The following AK9 variants were observed in gnomAD, a reference collection of about 807,000 sequenced individuals.
The protein encoded by AK9 is adenylate kinase domain containing 1.
Under a neutral mutation model 239.6 loss-of-function variants are expected in AK9, and 191 were observed. The ratio of observed to expected loss-of-function variants is 0.80; its 90% confidence interval spans 0.71 to 0.90. The LOEUF is 0.90. AK9 is among the 40% of genes least tolerant of loss of function. AK9 has a pLI of 0.00. For synonymous variants in AK9, 689 were observed against 721.0 expected (o/e 0.96, Z 0.71); for missense variants, 1,995 against 2,214.7 (o/e 0.90, Z 1.99).
chr6:109,602,484 T>G (rs1171696585), intron 17 of AK9, among the ~76,000 whole-genome samples: 3 of 152,194 alleles, frequency 2.0e-5, no homozygotes, highest in Non-Finnish European at 4.4e-5. Flanking sequence ...TAACCCGACC[T>G]TTCTCTCTGG....
chr6:109,519,882 T>C (rs1344458923), intron 29 of AK9, among the ~76,000 whole-genome samples: 1 of 152,192 alleles, frequency 6.6e-6, no homozygotes, highest in Non-Finnish European at 1.5e-5. Flanking sequence ...GTTCAGATGT[T>C]GGCTGCATGT....
chr6:109,633,408 T>C, intron 10 of AK9, 85 bp from the exon 11 acceptor site: 1 of 1,371,160 alleles, frequency 7.3e-7, no homozygotes, highest in Non-Finnish European at 9.8e-7. Context: ...TATCATTTTA[T>C]AGTGCTTTAC....
In AK9 at chr6:109,675,610, A is replaced by C; in HGVS notation, c.117+19T>G. The C allele has an allele frequency of 7.4e-7, 1 of 1,352,180 alleles. No homozygotes were observed. The highest frequency in any genetic ancestry group is 2.6e-5 in the East Asian group (1 of 37,898). The allele number at this position is 1,352,180 out of a possible 1,614,324, so 83.8% of individuals were successfully genotyped here. A position where few individuals can be genotyped will look rare whatever the true frequency, so the allele number is the denominator to read the frequency against. On this transcript the variant is annotated intron_variant, in intron 2 of 40. Transcript: ENST00000424296. ...TTAAAAATAAAAAAAATTATACCAAATAATAAGAGATAACTTACTGGTTTC... is the reference window on the plus strand; with the variant it reads ...TTAAAAATAAAAAAAATTATACCAACTAATAAGAGATAACTTACTGGTTTC...
chr6:109,663,179 G>A (rs1800669125), intron 5 of AK9, among the ~76,000 whole-genome samples: 2 of 152,044 alleles, frequency 1.3e-5, no homozygotes, highest in African/African-American at 2.4e-5. Context: ...GTTTAGTGCA[G>A]TTATTGGCTT....
chr6:109,644,724 A>C, intron 8 of AK9, 36 bp from the exon 9 acceptor site: 1 of 1,542,646 alleles, frequency 6.5e-7, no homozygotes, highest in Non-Finnish European at 8.9e-7. Flanking sequence ...ATAATACAGG[A>C]TCACTAGAAA....
chr6:109,589,769 A>T (rs1180201092), intron 17 of AK9, among the ~76,000 whole-genome samples: 1 of 152,134 alleles, frequency 6.6e-6, no homozygotes, highest in African/African-American at 2.4e-5. Flanking sequence ...GGTTTTTATT[A>T]TGAAGTGATG....
At chr6:109,518,246 C>G (rs1779468627) in intron 29 of AK9, among the ~76,000 whole-genome samples, 2 of 152,254 alleles carry the variant, frequency 1.3e-5, no homozygotes, top group East Asian at 1.9e-4. Context: ...CCAAAAGGAG[C>G]TTGGCTATGG....
Position 109,546,040 on chromosome 6 carries a change from A to G in AK9, c.3052T>C (p.Phe1018Leu), listed in dbSNP as rs755424181. Residue 1018 changes from phenylalanine to leucine, a missense_variant, in exon 26 of 41, where the codon TTT (phenylalanine) becomes CTT (leucine). Coordinates refer to ENST00000424296, the MANE Select transcript of AK9 (RefSeq NM_001145128.3). The stretch of plus-strand genomic sequence containing the variant: ...AGAACTTCTTCAAACTGAATGTGAA[A>G]AATGTTTAATTTTTCTGCCAACTGT... ...GRQLAEKLNI[F>L]HIQFEEVLQE... The G allele has an allele frequency of 6.2e-7, 1 of 1,613,880 alleles. No homozygotes were observed. The highest frequency in any genetic ancestry group is 1.1e-5 in the South Asian group (1 of 91,056).
Position 109,612,044 on chromosome 6 carries a change from A to G in AK9, c.1659T>C (p.Asp553=). 1.3e-6 allele frequency: 2 copies of G among 1,539,422 alleles called. No individual in the cohort carries two copies. Among genetic ancestry groups the G allele is most frequent in the Admixed American group, 2.1e-5 (1 of 48,734 alleles). ...AATACAACTTTACATCTTGACTAGC[A>G]TCTTGAGAATGCCTTTTAAATGTGA... ...ETFTFKRHSQ[D]ASQDVKLYSD... The change falls in exon 16 of 41, where the codon GAT becomes GAC. Residue 553 remains aspartate, a synonymous_variant. Transcript: ENST00000424296.
chr6:109,497,886 C>A lies in AK9; in HGVS notation c.5126G>T (p.Arg1709Ile). 4 of 1,614,060 alleles carry A rather than the reference C, an allele frequency of 2.5e-6. No homozygotes were observed. Among genetic ancestry groups the A allele is most frequent in the Non-Finnish European group, 2.5e-6 (3 of 1,179,962 alleles). Residue 1709 changes from arginine to isoleucine, a missense_variant, in exon 37 of 41, where the codon AGA (arginine) becomes ATA (isoleucine). Physicochemically the swap from Arg to Ile is moderately conservative, Grantham distance 97. Transcript: ENST00000424296. ...PLPSADMIPK[R>I]LTLSELKSRF... is the part of the protein sequence containing the mutation. ...ACTCTTCAGCTCTGACAGTGTCAGT[C>A]TTTTGGGGATCATGTCAGCAGATGG...
chr6:109,573,232 C>T (rs139208579), intron 21 of AK9, among the ~76,000 whole-genome samples: 1 of 152,248 alleles, frequency 6.6e-6, no homozygotes, highest in Non-Finnish European at 1.5e-5. Context: ...GCCAGCTGTG[C>T]TCCTGTGTGC....
chr6:109,666,314 C>T (rs1435529077), intron 5 of AK9, among the ~76,000 whole-genome samples: 2 of 152,214 alleles, frequency 1.3e-5, no homozygotes, highest in African/African-American at 2.4e-5. Context: ...GCTTGTTAAA[C>T]AGACCAGAAC....
chr6:109,672,885 C>A lies in AK9; in HGVS notation c.182-718G>T, dbSNP rs191610000. On this transcript the variant is annotated intron_variant, in intron 3 of 40. Coordinates refer to ENST00000424296, the MANE Select transcript of AK9 (RefSeq NM_001145128.3). ...TATTAATTAATCCAGATTTTCATAA[C>A]CATACAATTACATCCAAAGCCTGCT... Among the ~76,000 whole-genome samples, 6 of 152,184 alleles carry A rather than the reference C, an allele frequency of 3.9e-5. No individual in the cohort carries two copies. The East Asian group carries it at 1.2e-3, about 29-fold the overall frequency.
At chr6:109,585,055 T>C in intron 19 of AK9, 68 bp downstream of exon 19, 1 of 884,570 alleles carries the variant, frequency 1.1e-6, no homozygotes, top group South Asian at 5.1e-5. Context: ...ATAAGTATAA[T>C]TGCAAGAAGA....
At chr6:109,592,445 T>C in intron 17 of AK9, among the ~76,000 whole-genome samples, 1 of 118,728 alleles carries the variant, frequency 8.4e-6, no homozygotes, top group South Asian at 3.6e-4. Flanking sequence ...TAATGGGATT[T>C]CTTTTTTTTT....
intron 20 of AK9, among the ~76,000 whole-genome samples, chr6:109,578,398 G>C (rs1238116405): frequency 6.6e-6 from 1 of 152,124 alleles, no homozygotes; most frequent in Non-Finnish European, 1.5e-5. Context: ...GAGCTTATTT[G>C]AATCTTCTCT....
intron 24 of AK9, among the ~76,000 whole-genome samples, chr6:109,562,619 C>A (rs1330727133): frequency 2.6e-5 from 4 of 152,144 alleles, no homozygotes; most frequent in African/African-American, 9.7e-5. Flanking sequence ...TACTTGGAAG[C>A]AGTTTGATCC....
chr6:109,630,360 G>C (rs1342385747), intron 12 of AK9, among the ~76,000 whole-genome samples: 2 of 152,162 alleles, frequency 1.3e-5, no homozygotes, highest in African/African-American at 4.8e-5. Context: ...CTATAAATGT[G>C]ATGCTATCCT....
intron 3 of AK9, among the ~76,000 whole-genome samples, chr6:109,672,405 G>C (rs544654161): frequency 6.6e-6 from 1 of 152,126 alleles, no homozygotes; most frequent in African/African-American, 2.4e-5. Flanking sequence ...TTGGAGAAGC[G>C]AACATGGTGA....
Sources: allele counts gnomAD v4.1 joint callset (sites outside exome capture counted in the v4.1 genomes callset), GRCh38; gene constraint gnomAD v4.1.1; transcripts MANE v1.5; gene names NCBI Gene and HGNC (gene_info 2026-07-23, HGNC 2026-07-21).